Variants in GPAA1 observed in about 807,000 individuals in gnomAD.
GPAA1 encodes GPI-anchor transamidase component GPAA1.
Under a neutral mutation model 64.0 loss-of-function variants are expected in GPAA1, and 54 were observed. The ratio of observed to expected loss-of-function variants is 0.84; its 90% CI spans 0.68 to 1.06. The LOEUF (loss-of-function observed/expected upper bound fraction) is 1.06, where lower values mean the gene tolerates loss of function less well. GPAA1 is among the 50% of genes least tolerant of loss of function. The pLI, the probability that GPAA1 is intolerant of heterozygous loss-of-function variation, is 0.00. For synonymous variants in GPAA1, 393 were observed against 377.3 expected, an observed-to-expected ratio of 1.04 and a Z score of -0.48; for missense variants, 780 against 822.3, an observed-to-expected ratio of 0.95 and a Z score of 0.63.
intron 5 of GPAA1, 45 bp downstream of exon 5, chr8:144,084,085 A>T: frequency 6.2e-7 from 1 of 1,606,490 alleles, no homozygotes; most frequent in South Asian, 1.1e-5. Flanking sequence ...TCTCAGGGTC[A>T]CTGTCCTCAC....
rs1471832819 is a variant in GPAA1, at chr8:144,084,702, A to G, written c.1011-20A>G. 1.9e-6 allele frequency: 3 copies of G among 1,612,816 alleles called. No homozygotes were observed. In the African/African-American group the frequency reaches 4.0e-5, roughly 22 times the overall value. On this transcript the variant is annotated intron_variant, in intron 7 of 11. Coordinates refer to ENST00000355091, the MANE Select transcript of GPAA1 (RefSeq NM_003801.4). ...GCCTGGTGGCTCTGGCCAGCCGTGA[A>G]CCTGCCCCACACCTGACAGGGCTTT...
chr8:144,083,094 G>T (rs1554763724), intron 1 of GPAA1, 30 bp from the exon 2 acceptor site: 7 of 1,592,578 alleles, frequency 4.4e-6, no homozygotes, highest in East Asian at 2.2e-5. Flanking sequence ...ACCCGCTGAC[G>T]CTCCGGTGCC....
intron 1 of GPAA1, 93 bp from the exon 2 acceptor site, chr8:144,083,031 C>A: frequency 8.2e-7 from 1 of 1,225,808 alleles, no homozygotes; most frequent in South Asian, 1.4e-5. Flanking sequence ...TCTCCCAGAC[C>A]CGCGCGATCG....
At position 144,084,822 on chromosome 8, in the gene GPAA1, A is replaced by G; in HGVS notation, c.1111A>G (p.Ile371Val). 1 of 1,613,642 alleles carries G rather than the reference A, an allele frequency of 6.2e-7. No individual in the cohort carries two copies. ...LLPGLSRFVS[I>V]GLYMPAVGFL... The stretch of plus-strand genomic sequence containing the variant: ...CCCCGGCCTCTCCCGCTTCGTCTCC[A>G]TCGGCCTCTACATGCCCGCTGTCGG... Residue 371 changes from isoleucine (I) to valine (V), a missense_variant, in exon 8 of 12, where the codon ATC (isoleucine) becomes GTC (valine). Coordinates refer to ENST00000355091, the MANE Select transcript of GPAA1 (RefSeq NM_003801.4).
chr8:144,084,539 G>T lies in GPAA1; in HGVS notation c.940G>T (p.Val314Leu), dbSNP rs1835962971. ...CCATGGCCTCTTCCTGCGCTACCGT[G>T]TGGAGGCCCTAACCCTGCGTGGCAT... is the stretch of plus-strand genomic sequence containing the variant. The part of the protein sequence containing the change: ...GSHGLFLRYR[V>L]EALTLRGINS... Residue 314 changes from valine to leucine, a missense_variant, in exon 7 of 12, where the codon GTG (valine) becomes TTG (leucine). Transcript: ENST00000355091. The T allele has an allele frequency of 6.2e-7, 1 of 1,613,988 alleles. No homozygotes were observed. Among genetic ancestry groups the T allele is most frequent in the Non-Finnish European group, 8.5e-7 (1 of 1,180,022 alleles).
chr8:144,083,623 G>A, intron 3 of GPAA1, 91 bp from the exon 4 acceptor site: 1 of 1,422,394 alleles, frequency 7.0e-7, no homozygotes, highest in Non-Finnish European at 9.8e-7. Context: ...AATCCCTGGT[G>A]GGCACTGGAG....
chr8:144,084,247 G>T lies in GPAA1; in HGVS notation c.730G>T (p.Gly244Trp). The change falls in exon 6 of 12, where the codon GGG (glycine) becomes TGG (tryptophan). Residue 244 changes from glycine to tryptophan, a missense_variant. By Grantham distance (184) the Gly-to-Trp change is radical. Coordinates refer to ENST00000355091, the MANE Select transcript of GPAA1 (RefSeq NM_003801.4). ...SLDVAVEGLNGQLPNLDLLNL... is the reference protein window; with the variant it reads ...SLDVAVEGLNWQLPNLDLLNL... The stretch of plus-strand genomic sequence containing the variant: ...CGATGTGGCCGTGGAGGGGCTTAAC[G>T]GGCAGCTGCCCAACCTTGACCTGCT... 1 of 1,613,830 alleles carries T rather than the reference G, an allele frequency of 6.2e-7. No individual in the cohort carries two copies. The highest frequency in any genetic ancestry group is 8.5e-7 in the Non-Finnish European group (1 of 1,180,002).
At chr8:144,085,230 T>C in intron 9 of GPAA1, 59 bp from the exon 10 acceptor site, 3 of 1,503,522 alleles carry the variant, frequency 2.0e-6, no homozygotes, top group Non-Finnish European at 2.7e-6. Flanking sequence ...GGGATGGTGG[T>C]GGTCTTTGGG....
chr8:144,083,691 C>G (rs782055077), intron 3 of GPAA1, 23 bp from the exon 4 acceptor site: 2 of 1,587,652 alleles, frequency 1.3e-6, no homozygotes, highest in Non-Finnish European at 1.7e-6. Context: ...CACTGAGGCT[C>G]CCCCCACCGA....
chr8:144,084,103 T>C, intron 5 of GPAA1, 31 bp from the exon 6 acceptor site: 1 of 1,611,268 alleles, frequency 6.2e-7, no homozygotes, highest in Non-Finnish European at 8.5e-7. Flanking sequence ...CACCACGTCC[T>C]CCATTAGCAC....
intron 9 of GPAA1, 68 bp from the exon 10 acceptor site, chr8:144,085,221 G>C: frequency 2.0e-6 from 3 of 1,486,180 alleles, no homozygotes; most frequent in Non-Finnish European, 2.7e-6. Flanking sequence ...TCAGCTGGTG[G>C]GATGGTGGTG....
chr8:144,084,796 TC>T lies in GPAA1; in HGVS notation c.1089del (p.Gly364AlafsTer69). On this transcript the variant is annotated frameshift_variant, in exon 8 of 12. Transcript: ENST00000355091. LOFTEE classifies it high-confidence loss of function. ...RLHQSFFLYL[L>X]PGLSRFVSIG... ...CACCAGTCCTTCTTCCTCTACTTGC[TC>T]CCCGGCCTCTCCCGCTTCGTCTCCA... 2 of 1,613,742 alleles carry T rather than the reference TC, an allele frequency of 1.2e-6. No individual in the cohort carries two copies. Among genetic ancestry groups the T allele is most frequent in the Admixed American group, 1.7e-5 (1 of 60,026 alleles).
rs370831534 is a variant in GPAA1, at chr8:144,084,354, G to A, written c.813+24G>A. On this transcript the variant is annotated intron_variant, in intron 6 of 11. Coordinates refer to ENST00000355091, the MANE Select transcript of GPAA1 (RefSeq NM_003801.4). ...AGGTGGGGCTGCCTGCCTGCCTGAGGGCTGAAGGGCACAGGGTCTGTGGGA... is the reference window on the plus strand; with the variant it reads ...AGGTGGGGCTGCCTGCCTGCCTGAGAGCTGAAGGGCACAGGGTCTGTGGGA... 16 of 1,612,216 alleles carry A rather than the reference G, an allele frequency of 9.9e-6. No homozygotes were observed. The African/African-American group carries it at 1.9e-4, about 19-fold the overall frequency.
rs1835985653 is a variant in GPAA1, at chr8:144,085,705, G to A, written c.1584G>A (p.Met528Ile). The A allele has an allele frequency of 1.9e-6, 3 of 1,613,310 alleles. No homozygotes were observed. The South Asian group carries it at 3.3e-5, about 18-fold the overall frequency. The change falls in exon 11 of 12, where the codon ATG (methionine) becomes ATA (isoleucine). Residue 528 changes from methionine (M) to isoleucine (I), a missense_variant. Physicochemically the swap from Met to Ile is conservative, Grantham distance 10. Transcript: ENST00000355091. ...TGGGCTTCCTGCTGGCCACCACCAT[G>A]GTGCCCACTGCTGCGCTTGCCAAGC... ...FSLGFLLATT[M>I]VPTAALAKPH...
At position 144,082,649 on chromosome 8, in the gene GPAA1, G is replaced by A. The variant is rs1476728357; in HGVS notation, c.-82G>A. 36 of 996,712 alleles carry A rather than the reference G, an allele frequency of 3.6e-5. No individual in the cohort carries two copies. Among genetic ancestry groups the A allele is most frequent in the Non-Finnish European group, 4.4e-5 (33 of 746,946 alleles). 61.7% of individuals were successfully genotyped at this position (996,712 alleles called of 1,614,324 possible). On this transcript the variant is annotated 5_prime_UTR_variant, in exon 1 of 12. Transcript: ENST00000355091. ...AAGTGCGGGCGAGCGCGGGTCCCCGGGTCTGACAGGAGCAGCCTGTGGGCA... is the reference window on the plus strand; with the variant it reads ...AAGTGCGGGCGAGCGCGGGTCCCCGAGTCTGACAGGAGCAGCCTGTGGGCA...
chr8:144,083,764 C>T lies in GPAA1; in HGVS notation c.417C>T (p.Ala139=), dbSNP rs1554763887. 1 of 1,606,414 alleles carries T rather than the reference C, an allele frequency of 6.2e-7. No homozygotes were observed. Among genetic ancestry groups the T allele is most frequent in the South Asian group, 1.1e-5 (1 of 91,078 alleles). ...VYGILRAPRA[A]STESLVLTVP... ...GCATCCTGCGGGCCCCGCGTGCTGC[C>T]AGCACCGAGTCGCTTGTGCTCACCG... The change falls in exon 4 of 12, where the codon GCC becomes GCT. Residue 139 remains alanine (A), a synonymous_variant. Coordinates refer to ENST00000355091, the MANE Select transcript of GPAA1 (RefSeq NM_003801.4).
Position 144,084,668 on chromosome 8 carries a change from T to C in GPAA1, c.1011-54T>C, listed in dbSNP as rs902527620. ...AGGATGGGGTCTAGCTGGAGCGGAG[T>C]GGGGGATGGCCTGGTGGCTCTGGCC... On this transcript the variant is annotated intron_variant, in intron 7 of 11. Transcript: ENST00000355091. 74 of 1,607,708 alleles carry C rather than the reference T, an allele frequency of 4.6e-5. 2 individuals carry two copies. The Admixed American group carries it at 1.2e-3, about 25-fold the overall frequency.
Position 144,084,303 on chromosome 8 carries a change from G to T in GPAA1, c.786G>T (p.Gly262=), listed in dbSNP as rs782527799. 2.5e-6 allele frequency: 4 copies of T among 1,613,796 alleles called. No individual in the cohort carries two copies. In the South Asian group the frequency reaches 3.3e-5, roughly 13 times the overall value. Residue 262 remains glycine, a synonymous_variant, in exon 6 of 12, where the codon GGG becomes GGT. Coordinates refer to ENST00000355091, the MANE Select transcript of GPAA1 (RefSeq NM_003801.4). ...LNLFQTFCQK[G]GLLCTLQGKL... ...TCTTCCAGACCTTCTGCCAGAAAGG[G>T]GGCCTGTTGTGCACGCTTCAGGGCA... is the stretch of plus-strand genomic sequence containing the variant.
At chr8:144,083,891 G>C (rs782599784) in intron 4 of GPAA1, 30 bp downstream of exon 4, 1 of 1,613,772 alleles carries the variant, frequency 6.2e-7, no homozygotes, top group Admixed American at 1.7e-5. Flanking sequence ...GCCGTGGAGG[G>C]GTTTGGTCAG....
Sources: allele counts gnomAD v4.1 joint callset, GRCh38; gene constraint gnomAD v4.1.1; transcripts MANE v1.5; gene names NCBI Gene and HGNC (gene_info 2026-07-23, HGNC 2026-07-21).